Variants in HOOK2 observed in about 807,000 individuals in gnomAD.
The protein encoded by HOOK2 is hook microtubule tethering protein 2.
In HOOK2, 108 loss-of-function variants were observed where a neutral mutation model predicts 111.9. The ratio of observed to expected loss-of-function variants is 0.96; its 90% CI spans 0.83 to 1.13. The LOEUF is 1.13. Among genes scored for constraint, HOOK2 ranks in the 50% most tolerant of loss-of-function variants. The probability of loss-of-function intolerance (pLI) is 0.00; values close to 1 mark genes in which losing one functional copy is unlikely to be tolerated. For synonymous variants in HOOK2, 405 were observed against 394.3 expected, an observed-to-expected ratio of 1.03 and a Z score of -0.32; for missense variants, 978 against 951.3, an observed-to-expected ratio of 1.03 and a Z score of -0.37.
Position 12,772,227 on chromosome 19 carries a change from G to A in HOOK2, c.482C>T (p.Ser161Phe). The A allele has an allele frequency of 6.2e-7, 1 of 1,614,110 alleles. No individual in the cohort carries two copies. ...QELMTKDTPDSLSPETYGNFD... is the reference protein window; with the variant it reads ...QELMTKDTPDFLSPETYGNFD... ...GTTGCCATACGTCTCTGGTGACAGGGAGTCAGGAGTGTCTTTGGTCATGAG... is the reference window on the plus strand; with the variant it reads ...GTTGCCATACGTCTCTGGTGACAGGAAGTCAGGAGTGTCTTTGGTCATGAG... Residue 161 changes from serine to phenylalanine, a missense_variant, in exon 7 of 23, where the codon TCC (serine) becomes TTC (phenylalanine). Around this residue, in one of 5 missense-constraint regions of HOOK2, gnomAD observed 301 missense variants for 286.1 expected, o/e 1.05. Transcript: ENST00000397668.
chr19:12,786,459 T>A lies in HOOK2; in HGVS notation n.42-12234A>T, dbSNP rs529181789. On this transcript the variant is annotated intron_variant and non_coding_transcript_variant, in intron 3 of 3. Transcript: ENST00000589765. The surrounding 1 kb of genome is among the most constrained non-coding windows in gnomAD (Gnocchi z 4.3). Reference sequence around the variant, plus strand: ...TGTGGGTGGGGGTGGGTGAACTTCCTCCTTATCCTGTGCCCTAGGCCCCAG... The same window carrying A: ...TGTGGGTGGGGGTGGGTGAACTTCCACCTTATCCTGTGCCCTAGGCCCCAG... 6.6e-6 allele frequency among the ~76,000 whole-genome samples: 1 copy of A among 152,098 alleles called. No individual in the cohort carries two copies. Among genetic ancestry groups the A allele is most frequent in the Admixed American group, 6.5e-5 (1 of 15,298 alleles).
In HOOK2 at chr19:12,774,833, A is replaced by G. The variant is rs1178357522; in HGVS notation, c.110T>C (p.Val37Ala). The G allele has an allele frequency of 6.2e-7, 1 of 1,614,122 alleles. No homozygotes were observed. Among genetic ancestry groups the G allele is most frequent in the Non-Finnish European group, 8.5e-7 (1 of 1,180,000 alleles). ...TCACATCTGGTTCAGCACATAGGCT[A>G]CGGCAAGGCCGCTGCTCAGGTCCTG... ...SPQDLSSGLA[V>A]AYVLNQIDPS... is the part of the protein sequence containing the mutation. Residue 37 changes from valine to alanine, a missense_variant, in exon 2 of 23, where the codon GTA becomes GCA. Around this residue, in one of 5 missense-constraint regions of HOOK2, gnomAD observed 301 missense variants for 286.1 expected, o/e 1.05. Transcript: ENST00000397668.
At chr19:12,783,174 G>T (rs1170419415), upstream of HOOK2, among the ~76,000 whole-genome samples, 1 of 152,122 alleles carries the variant, frequency 6.6e-6, no homozygotes, top group African/African-American at 2.4e-5. Context: ...TGGGGAGGGG[G>T]CTGCGGAGTC....
chr19:12,767,485 C>G (rs1442932219), intron 13 of HOOK2, 21 bp from the exon 14 acceptor site: 6 of 1,597,046 alleles, frequency 3.8e-6, no homozygotes, highest in Non-Finnish European at 5.2e-6. Context: ...CGAGAAAAGT[C>G]TTCAGGTCTC....
Position 12,786,997 on chromosome 19 carries a change from G to A in HOOK2, n.42-12772C>T, listed in dbSNP as rs1002394096. ...AGCCTAGGCAACAGAATGAGACCCT[G>A]TCTCAATAAAATATAAAAAAATAAA... On this transcript the variant is annotated intron_variant and non_coding_transcript_variant, in intron 3 of 3. Transcript: ENST00000589765. The surrounding 1 kb of genome is among the most constrained non-coding windows in gnomAD (Gnocchi z 4.3). 1 of 152,206 alleles carries A rather than the reference G, an allele frequency of 6.6e-6. No individual in the cohort carries two copies. The highest frequency in any genetic ancestry group is 6.5e-5 in the Admixed American group (1 of 15,290). The allele number at this position is 152,206 out of a possible 1,614,324, so 9.4% of individuals were successfully genotyped here.
At chr19:12,772,071 G>T (rs1040430907) in intron 7 of HOOK2, 119 bp downstream of exon 7, 11 of 775,390 alleles carry the variant, frequency 1.4e-5, no homozygotes, top group African/African-American at 1.7e-5. Flanking sequence ...CTGTAAGTGG[G>T]GTCTGGACCT....
intron 3 of HOOK2, chr19:12,792,278 C>T (rs1163387465): frequency 6.7e-7 from 1 of 1,495,902 alleles, no homozygotes; most frequent in African/African-American, 1.4e-5. Flanking sequence ...CGGCTGGGCC[C>T]GGGGGCGTCT....
intron 20 of HOOK2, 49 bp downstream of exon 20, chr19:12,764,765 A>G: frequency 6.5e-7 from 1 of 1,547,532 alleles, no homozygotes; most frequent in Non-Finnish European, 8.9e-7. Flanking sequence ...GAGGCACAAA[A>G]AGTAAGAAGC....
intron 11 of HOOK2, among the ~76,000 whole-genome samples, chr19:12,769,620 T>C (rs184599449): frequency 1.3e-5 from 2 of 152,278 alleles, no homozygotes; most frequent in East Asian, 3.9e-4. Context: ...TTTTGTTACA[T>C]GGTTAGGTAG....
In HOOK2 at chr19:12,766,183, G is replaced by A. The variant is rs746827232; in HGVS notation, c.1431C>T (p.Ala477=). The change falls in exon 15 of 23, where the codon GCC becomes GCT. Residue 477 remains alanine, a synonymous_variant. Transcript: ENST00000397668. ...GCAGCTCCTCCTGCCGCTCCCGGTC[G>A]GCCGCCTCCTGCCTGCACAGCCGCT... ...ENKRLCRQEA[A]DRERQEELQR... 4 of 1,597,386 alleles carry A rather than the reference G, an allele frequency of 2.5e-6. No individual in the cohort carries two copies. The highest frequency in any genetic ancestry group is 1.7e-5 in the Admixed American group (1 of 59,648).
In HOOK2 at chr19:12,791,708, C is replaced by T. The variant is rs1297337282; in HGVS notation, n.42-17483G>A. On this transcript the variant is annotated intron_variant and non_coding_transcript_variant, in intron 3 of 3. Coordinates refer to the HOOK2 transcript ENST00000589765. This position sits in a 1 kb window ranked among gnomAD's most constrained non-coding sequence, Gnocchi z 7.0. ...GGTCACCGCAGCGGAGAGCTCGCCG[C>T]TCGCTGCAGCGAGGCCCGGAGCGGC... 7.9e-7 allele frequency: 1 copy of T among 1,265,916 alleles called. No individual in the cohort carries two copies. Among genetic ancestry groups the T allele is most frequent in the Admixed American group, 2.5e-5 (1 of 39,314 alleles). 78.4% of individuals were successfully genotyped at this position (1,265,916 alleles called of 1,614,324 possible). A position where few individuals can be genotyped will look rare whatever the true frequency, so the allele number is the denominator to read the frequency against.
In HOOK2 at chr19:12,772,637, A is replaced by G. The variant is rs1314426545; in HGVS notation, c.432T>C (p.His144=). Residue 144 remains histidine (H), a synonymous_variant, in exon 6 of 23, where the codon CAT becomes CAC. Transcript: ENST00000397668. ...CCTCTTGGATGGCTTCCATCACCAC[A>G]TGCTGAACCGATTCTTCCAGCGTCA... ...RIMTLEESVQ[H]VVMEAIQELM... 1.2e-6 allele frequency: 2 copies of G among 1,614,028 alleles called. No homozygotes were observed. Among genetic ancestry groups the G allele is most frequent in the Admixed American group, 1.7e-5 (1 of 60,002 alleles).
chr19:12,773,231 CTTTT>C (rs373156108), intron 3 of HOOK2, 187 bp from the exon 4 acceptor site: 7,414 of 250,612 alleles, frequency 0.03, no homozygotes, highest in South Asian at 0.045. Flanking sequence ...ATCTTTGTTT[CTTTT>C]TTTTTTTTTT....
Position 12,786,093 on chromosome 19 carries a change from A to C in HOOK2, n.42-11868T>G, listed in dbSNP as rs1163237680. On this transcript the variant is annotated intron_variant and non_coding_transcript_variant, in intron 3 of 3. Transcript: ENST00000589765. This position sits in a 1 kb window ranked among gnomAD's most constrained non-coding sequence, Gnocchi z 4.3. ...AGACTCTCCTTCCTGCTTCCAAGAAAACCTAGCAGCTTCCTCTCCAGGAGA... is the reference window on the plus strand; with the variant it reads ...AGACTCTCCTTCCTGCTTCCAAGAACACCTAGCAGCTTCCTCTCCAGGAGA... Among the ~76,000 whole-genome samples the C allele has an allele frequency of 6.6e-6, 1 of 152,112 alleles. No homozygotes were observed. Among genetic ancestry groups the C allele is most frequent in the Non-Finnish European group, 1.5e-5 (1 of 68,006 alleles).
intron 20 of HOOK2, chr19:12,764,591 G>A (rs1025776373): frequency 5.3e-6 from 3 of 570,458 alleles, no homozygotes; most frequent in Non-Finnish European, 9.4e-6. Flanking sequence ...ACCTCCCAAA[G>A]TGCTGGGATT....
At position 12,763,330 on chromosome 19, in the gene HOOK2, G is replaced by T; in HGVS notation, c.2112C>A (p.Pro704=). 6.2e-7 allele frequency: 1 copy of T among 1,614,138 alleles called. No individual in the cohort carries two copies. Among genetic ancestry groups the T allele is most frequent in the Non-Finnish European group, 8.5e-7 (1 of 1,180,040 alleles). The change falls in exon 23 of 23, where the codon CCC becomes CCA. Residue 704 remains proline (P), a synonymous_variant. Transcript: ENST00000397668. ...QRLATNSRRG[P]LGRLASLNLR... ...GGTTCAGAGATGCCAGGCGTCCCAAGGGTCCACGGCGAGAATTGGTTGCCA... is the reference window on the plus strand; with the variant it reads ...GGTTCAGAGATGCCAGGCGTCCCAATGGTCCACGGCGAGAATTGGTTGCCA...
At position 12,769,967 on chromosome 19, in the gene HOOK2, C is replaced by G. The variant is rs1337375609; in HGVS notation, c.1018G>C (p.Gly340Arg). 3 of 1,552,938 alleles carry G rather than the reference C, an allele frequency of 1.9e-6. No individual in the cohort carries two copies. The highest frequency in any genetic ancestry group is 2.6e-6 in the Non-Finnish European group (3 of 1,155,748). The change falls in exon 11 of 23, where the codon GGC (glycine) becomes CGC (arginine). Residue 340 changes from glycine (G) to arginine (R), a missense_variant. By Grantham distance (125) the Gly-to-Arg change is moderately radical. This residue lies in a region of HOOK2 where 388 missense variants were observed against 358.3 expected (regional missense o/e 1.08). Transcript: ENST00000397668. ...AGTTGTCGCGTGCGCTCGGCGTGGCCGGCGTTGCGTTCCTCCAGCTGCCGC... is the reference window on the plus strand; with the variant it reads ...AGTTGTCGCGTGCGCTCGGCGTGGCGGGCGTTGCGTTCCTCCAGCTGCCGC... ...QVRQLEERNA[G>R]HAERTRQLED...
chr19:12,773,240 T>A, intron 3 of HOOK2, 196 bp from the exon 4 acceptor site: 1 of 511,954 alleles, frequency 2.0e-6, no homozygotes. Flanking sequence ...TCTTTTTTTT[T>A]TTTTTTTTTT....
At chr19:12,764,536 G>A (rs545540157) in intron 20 of HOOK2, 10 of 410,292 alleles carry the variant, frequency 2.4e-5, no homozygotes, top group Non-Finnish European at 4.0e-5. Flanking sequence ...CACCATGTTG[G>A]CCAGGCTGGT....
Sources: gnomAD v4.1 joint callset for allele counts (sites outside exome capture counted in the v4.1 genomes callset) on GRCh38, gnomAD v4.1.1 for gene constraint, gnomAD v4.1.1 regional missense constraint, Gnocchi (gnomAD v3.1) non-coding constraint, MANE v1.5 for transcripts, NCBI Gene and HGNC (gene_info 2026-07-23, HGNC 2026-07-21) for gene names.